PRELID2: variants seen among roughly 807,000 people sequenced by gnomAD.
PRELID2 encodes the protein PRELI domain-containing protein 2.
A neutral mutation model predicts 28.4 loss-of-function variants in PRELID2; 25 were observed. That is an observed-to-expected ratio of 0.88 (90% confidence interval 0.64 to 1.23). PRELID2 has a LOEUF of 1.23. PRELID2 is among the 50% of genes most tolerant of loss of function. The probability of loss-of-function intolerance (pLI) is 0.00; values close to 1 mark genes in which losing one functional copy is unlikely to be tolerated. For missense variants in PRELID2, 201 were observed against 214.4 expected (o/e 0.94, Z 0.39); for synonymous variants, 76 against 71.6 (o/e 1.06, Z -0.31).
chr5:145,524,388 C>T (rs1353499768), intron 1 of PRELID2, among the ~76,000 whole-genome samples: 1 of 152,162 alleles, frequency 6.6e-6, no homozygotes, highest in Non-Finnish European at 1.5e-5. Flanking sequence ...TAGGATTTGG[C>T]CATTTCCCGG....
At chr5:145,292,301 AACAAG>A in the PRELID2 span, among the ~76,000 whole-genome samples, 1 of 152,170 alleles carries the variant, frequency 6.6e-6, no homozygotes, top group Admixed American at 6.6e-5. Flanking sequence ...ATTCAGACTA[AACAAG>A]ACAAGAGAGG....
chr5:145,657,510 C>G (rs187220946), intron 1 of PRELID2, among the ~76,000 whole-genome samples: 1 of 152,030 alleles, frequency 6.6e-6, no homozygotes, highest in Admixed American at 6.6e-5. Flanking sequence ...ATGGAAAAAG[C>G]CTGTCTTCAC....
intron 1 of PRELID2, among the ~76,000 whole-genome samples, chr5:145,745,489 C>T (rs4360088): frequency 0.76 from 114,983 of 152,118 alleles, 45,409 homozygotes; most frequent in East Asian, 0.88. Flanking sequence ...AAAGGGAAGC[C>T]CATCAGACTA....
At chr5:145,576,957 A>T (rs1488173222) in intron 1 of PRELID2, among the ~76,000 whole-genome samples, 2 of 152,162 alleles carry the variant, frequency 1.3e-5, no homozygotes, top group Non-Finnish European at 2.9e-5. Context: ...TGCCAGTCTC[A>T]GAGGCCATAA....
At chr5:145,321,714 C>CAAATTATAA in the PRELID2 span, among the ~76,000 whole-genome samples, 1 of 152,184 alleles carries the variant, frequency 6.6e-6, no homozygotes, top group African/African-American at 2.4e-5. Flanking sequence ...CTAAGCCTTT[C>CAAATTATAA]AAAGTTATAA....
At chr5:145,278,437 A>G in the PRELID2 span, among the ~76,000 whole-genome samples, 1 of 152,164 alleles carries the variant, frequency 6.6e-6, no homozygotes, top group Non-Finnish European at 1.5e-5. Flanking sequence ...GGCAGGATTC[A>G]ATTCCTTGCA....
At chr5:145,291,335 C>CACA in the PRELID2 span, among the ~76,000 whole-genome samples, 2 of 57,476 alleles carry the variant, frequency 3.5e-5, no homozygotes, top group African/African-American at 2.2e-4. Context: ...GACTCTGTTT[C>CACA]AGAAAAAAAA....
At position 145,581,731 on chromosome 5, in the gene PRELID2, C is replaced by T. The variant is rs148498103; in HGVS notation, n.71-108416G>A. On this transcript the variant is annotated intron_variant and non_coding_transcript_variant, in intron 1 of 2. Coordinates refer to the PRELID2 transcript ENST00000510259. ...AGGTCACTTGGGAATGAGCCTCTTG[C>T]GATTTTACATTAGCCTAAGAGCTTT... 4.1e-3 allele frequency among the ~76,000 whole-genome samples: 624 copies of T among 152,092 alleles called. 4 individuals carry two copies. Among genetic ancestry groups the T allele is most frequent in the Non-Finnish European group, 3.8e-3 (256 of 67,964 alleles).
the PRELID2 span, among the ~76,000 whole-genome samples, chr5:145,390,999 A>G: frequency 6.6e-6 from 1 of 152,194 alleles, no homozygotes; most frequent in South Asian, 2.1e-4. Flanking sequence ...CATCACACTG[A>G]TGCAAGAAAT....
the PRELID2 span, among the ~76,000 whole-genome samples, chr5:145,417,433 G>C: frequency 6.6e-6 from 1 of 152,106 alleles, no homozygotes; most frequent in Non-Finnish European, 1.5e-5. Flanking sequence ...AAACCTGGCA[G>C]AGATACAAGA....
intron 1 of PRELID2, among the ~76,000 whole-genome samples, chr5:145,728,079 G>A (rs1756225576): frequency 6.6e-6 from 1 of 152,090 alleles, no homozygotes; most frequent in African/African-American, 2.4e-5. Flanking sequence ...GTCTGTCCCT[G>A]CAAATCTCTG....
At chr5:145,714,832 T>C (rs1427186276) in intron 1 of PRELID2, among the ~76,000 whole-genome samples, 2 of 152,098 alleles carry the variant, frequency 1.3e-5, no homozygotes, top group Non-Finnish European at 2.9e-5. Context: ...CATCCCTCTT[T>C]CCTGCTCTTC....
chr5:145,438,258 G>T, the PRELID2 span, among the ~76,000 whole-genome samples: 1 of 151,734 alleles, frequency 6.6e-6, no homozygotes, highest in Non-Finnish European at 1.5e-5. Context: ...CAGAGATTTG[G>T]GGAAAAAATA....
chr5:145,342,862 T>C, the PRELID2 span, among the ~76,000 whole-genome samples: 2 of 146,738 alleles, frequency 1.4e-5, no homozygotes, highest in African/African-American at 5.0e-5. Context: ...CAAGAGTAGC[T>C]ATATTTATAT....
At chr5:145,605,829 T>C (rs999716665) in intron 1 of PRELID2, among the ~76,000 whole-genome samples, 1 of 152,102 alleles carries the variant, frequency 6.6e-6, no homozygotes, top group African/African-American at 2.4e-5. Flanking sequence ...TTAATAGCAA[T>C]AGCATTGAAT....
chr5:145,288,126 T>C, the PRELID2 span, among the ~76,000 whole-genome samples: 3 of 152,032 alleles, frequency 2.0e-5, no homozygotes, highest in Non-Finnish European at 2.9e-5. Context: ...ATTAGTTTCC[T>C]ACACTGTAAA....
chr5:145,694,170 A>T (rs1424020276), intron 1 of PRELID2, among the ~76,000 whole-genome samples: 1 of 152,228 alleles, frequency 6.6e-6, no homozygotes, highest in Non-Finnish European at 1.5e-5. Flanking sequence ...AGTACCCGAA[A>T]CATAGTAAGT....
At chr5:145,585,170 C>A (rs13360440) in intron 1 of PRELID2, among the ~76,000 whole-genome samples, 43 of 151,982 alleles carry the variant, frequency 2.8e-4, no homozygotes, top group African/African-American at 3.6e-4. Flanking sequence ...TTATCCTCAG[C>A]AAACTAACAC....
intron 1 of PRELID2, among the ~76,000 whole-genome samples, chr5:145,511,182 C>T (rs1752457612): frequency 6.6e-6 from 1 of 152,166 alleles, no homozygotes; most frequent in African/African-American, 2.4e-5. Context: ...CATAGGAACA[C>T]AGGAAGCTAT....
Sources: gnomAD v4.1 joint callset for allele counts (sites outside exome capture counted in the v4.1 genomes callset) on GRCh38, gnomAD v4.1.1 for gene constraint, MANE v1.5 for transcripts, NCBI Gene and HGNC (gene_info 2026-07-23, HGNC 2026-07-21) for gene names.